Variants in PDE1C observed in about 807,000 individuals in gnomAD.
The protein encoded by PDE1C is phosphodiesterase 1C.
In PDE1C, 62 loss-of-function variants were observed where a neutral mutation model predicts 93.1. The observed-to-expected ratio is 0.67, with a 90% CI of 0.54 to 0.82. The LOEUF (loss-of-function observed/expected upper bound fraction) is 0.82, where lower values mean the gene tolerates loss of function less well. Among genes scored for constraint, PDE1C ranks in the 40% least tolerant of loss-of-function variants. The probability of loss-of-function intolerance (pLI) is 0.00; values close to 1 mark genes in which losing one functional copy is unlikely to be tolerated. For synonymous variants in PDE1C, 325 were observed against 310.1 expected, an observed-to-expected ratio of 1.05 and a Z score of -0.50; for missense variants, 742 against 884.6, an observed-to-expected ratio of 0.84 and a Z score of 2.04.
At chr7:31,722,342 C>T in the PDE1C span, among the ~76,000 whole-genome samples, 1 of 152,180 alleles carries the variant, frequency 6.6e-6, no homozygotes, top group African/African-American at 2.4e-5. Context: ...TCTATGTTCT[C>T]CTGATATAAA....
chr7:31,715,391 G>T, the PDE1C span, among the ~76,000 whole-genome samples: 9 of 151,914 alleles, frequency 5.9e-5, no homozygotes, highest in Non-Finnish European at 1.3e-4. Flanking sequence ...CATGCCCAGC[G>T]CCACGCCCAG....
At chr7:32,281,039 T>C (rs757420042) in intron 1 of PDE1C, among the ~76,000 whole-genome samples, 7 of 152,144 alleles carry the variant, frequency 4.6e-5, no homozygotes, top group Non-Finnish European at 1.0e-4. Flanking sequence ...AATATGTATG[T>C]GTGTGTAACA....
At chr7:32,122,024 A>T (rs1479958088) in intron 3 of PDE1C, among the ~76,000 whole-genome samples, 1 of 152,244 alleles carries the variant, frequency 6.6e-6, no homozygotes, top group Non-Finnish European at 1.5e-5. Flanking sequence ...GGAAGGAGGA[A>T]AATTTACCAA....
At chr7:32,174,478 G>T (rs770813927) in intron 2 of PDE1C, among the ~76,000 whole-genome samples, 2 of 151,918 alleles carry the variant, frequency 1.3e-5, no homozygotes, top group African/African-American at 4.8e-5. Flanking sequence ...ACATGACATC[G>T]GATATGGTCT....
chr7:31,812,831 C>G (rs533056828), intron 15 of PDE1C, among the ~76,000 whole-genome samples: 3 of 152,204 alleles, frequency 2.0e-5, no homozygotes, highest in African/African-American at 7.2e-5. Context: ...GGCCCCTCTC[C>G]CTGAAGGCAC....
chr7:32,143,845 T>C (rs1207907589), intron 3 of PDE1C, among the ~76,000 whole-genome samples: 2 of 152,194 alleles, frequency 1.3e-5, no homozygotes, highest in African/African-American at 4.8e-5. Flanking sequence ...TGGTGTCCCT[T>C]ACGTAAAGAG....
At chr7:31,633,745 A>C in the PDE1C span, among the ~76,000 whole-genome samples, 1 of 152,326 alleles carries the variant, frequency 6.6e-6, no homozygotes, top group Non-Finnish European at 1.5e-5. Flanking sequence ...GTACCATTGG[A>C]GGACAGAAGA....
At chr7:31,946,867 G>A in intron 2 of PDE1C, among the ~76,000 whole-genome samples, 1 of 152,040 alleles carries the variant, frequency 6.6e-6, no homozygotes, top group Non-Finnish European at 1.5e-5. Flanking sequence ...TTTTTTCCTT[G>A]CTATTTGGCA....
intron 3 of PDE1C, among the ~76,000 whole-genome samples, chr7:32,145,048 A>G (rs956225856): frequency 1.3e-5 from 2 of 152,210 alleles, no homozygotes; most frequent in Non-Finnish European, 2.9e-5. Flanking sequence ...TGATTCAACA[A>G]TGTCTCCCAG....
chr7:32,209,491 G>A (rs767191332), exon 2 of PDE1C: 1 of 1,572,610 alleles, frequency 6.4e-7, no homozygotes, highest in African/African-American at 1.4e-5. Context: ...TTACTCACGA[G>A]AGAAGCGGGC....
At chr7:31,650,396 C>A in the PDE1C span, among the ~76,000 whole-genome samples, 1 of 151,960 alleles carries the variant, frequency 6.6e-6, no homozygotes, top group East Asian at 1.9e-4. Flanking sequence ...GTGGAGAGTT[C>A]CAAAGTTCTC....
the PDE1C span, among the ~76,000 whole-genome samples, chr7:31,623,986 C>T: frequency 6.0e-5 from 9 of 149,388 alleles, no homozygotes; most frequent in South Asian, 2.0e-3. Context: ...AACAGACAAA[C>T]AGAGAGCCAA....
At chr7:32,418,355 T>C (rs924641120) in intron 1 of PDE1C, among the ~76,000 whole-genome samples, 2 of 152,196 alleles carry the variant, frequency 1.3e-5, no homozygotes, top group Admixed American at 6.5e-5. Context: ...TTCCCCAAGC[T>C]TCATTGTCCT....
intron 9 of PDE1C, among the ~76,000 whole-genome samples, chr7:31,840,187 TATCTC>T (rs1487398492): frequency 6.6e-6 from 1 of 152,208 alleles, no homozygotes; most frequent in Non-Finnish European, 1.5e-5. Flanking sequence ...TATGTAGTGT[TATCTC>T]ATCTTGGTTT....
intron 1 of PDE1C, among the ~76,000 whole-genome samples, chr7:32,326,518 G>A (rs1783406562): frequency 6.6e-6 from 1 of 152,208 alleles, no homozygotes; most frequent in African/African-American, 2.4e-5. Context: ...CGGAAACCAG[G>A]TGAAGAAGGA....
At position 32,027,607 on chromosome 7, in the gene PDE1C, T is replaced by TAAAAAAAAA; in HGVS notation, c.128+23938_128+23946dup. Among the ~76,000 whole-genome samples, 126 of 78,436 alleles carry TAAAAAAAAA rather than the reference T, an allele frequency of 1.6e-3. 2 individuals carry two copies. The highest frequency in any genetic ancestry group is 2.2e-3 in the Non-Finnish European group (97 of 44,666). The allele number at this position is 78,436 out of a possible 152,430, so 51.5% of individuals were successfully genotyped here. On this transcript the variant is annotated intron_variant, in intron 2 of 17. Transcript: ENST00000396191. ...AAAAAAAAAAAACTATCAAAAATGG[T>TAAAAAAAAA]AAAAAAAAAAAAAAAAAAAAAAAAA...
intron 1 of PDE1C, among the ~76,000 whole-genome samples, chr7:32,377,824 C>T (rs1784458632): frequency 6.6e-6 from 1 of 152,092 alleles, no homozygotes; most frequent in East Asian, 1.9e-4. Context: ...TACTCTATTG[C>T]CTCGCACCAA....
chr7:31,972,790 C>T (rs1364667993), intron 2 of PDE1C, among the ~76,000 whole-genome samples: 1 of 152,118 alleles, frequency 6.6e-6, no homozygotes, highest in Non-Finnish European at 1.5e-5. Flanking sequence ...GTGCTTCTTC[C>T]CCTGTAGGAG....
chr7:32,373,961 C>T (rs535435276), intron 1 of PDE1C, among the ~76,000 whole-genome samples: 2 of 151,598 alleles, frequency 1.3e-5, no homozygotes, highest in South Asian at 4.2e-4. Flanking sequence ...CGCGCCACTG[C>T]ACTCCAGCCT....
Sources: gnomAD v4.1 joint callset for allele counts (sites outside exome capture counted in the v4.1 genomes callset) on GRCh38, gnomAD v4.1.1 for gene constraint, MANE v1.5 for transcripts, NCBI Gene and HGNC (gene_info 2026-07-23, HGNC 2026-07-21) for gene names.